GLB1L3: variants seen among roughly 807,000 people sequenced by gnomAD.
GLB1L3 encodes galactosidase beta 1 like 3.
In GLB1L3, 89 loss-of-function variants were observed where a neutral mutation model predicts 89.5. The ratio of observed to expected loss-of-function variants is 0.99; its 90% CI spans 0.84 to 1.19. The LOEUF (loss-of-function observed/expected upper bound fraction) is 1.19. GLB1L3 is among the 50% of genes most tolerant of loss of function. The pLI is 0.00. For missense variants in GLB1L3, 812 were observed against 813.3 expected, an observed-to-expected ratio of 1.00 and a Z score of 0.02; for synonymous variants, 314 against 312.3, an observed-to-expected ratio of 1.01 and a Z score of -0.06.
chr11:134,316,059 A>C (rs1263692298), intron 18 of GLB1L3, among the ~76,000 whole-genome samples: 4 of 152,162 alleles, frequency 2.6e-5, no homozygotes, highest in Non-Finnish European at 5.9e-5. Flanking sequence ...AATGCTATGC[A>C]GCCTCTATCT....
chr11:134,307,113 T>C lies in GLB1L3; in HGVS notation c.877-11T>C, dbSNP rs749440031. 2 of 1,608,260 alleles carry C rather than the reference T, an allele frequency of 1.2e-6. No homozygotes were observed. The highest frequency in any genetic ancestry group is 1.7e-5 in the Admixed American group (1 of 59,216). ...TTGCCAGACTTAGTATTTGCTTTGG[T>C]TTGTTTTTAGAGAGATAAGCCCCTT... On this transcript the variant is annotated splice_polypyrimidine_tract_variant and intron_variant, in intron 9 of 19. Coordinates refer to ENST00000431683, the MANE Select transcript of GLB1L3 (RefSeq NM_001080407.3).
At chr11:134,299,444 G>C (rs1250334630) in intron 9 of GLB1L3, among the ~76,000 whole-genome samples, 2 of 152,078 alleles carry the variant, frequency 1.3e-5, no homozygotes, top group East Asian at 1.9e-4. Context: ...CATTCTGCTA[G>C]GCCATGTGGG....
intron 10 of GLB1L3, among the ~76,000 whole-genome samples, chr11:134,308,922 C>T (rs934336660): frequency 1.3e-5 from 2 of 152,148 alleles, no homozygotes; most frequent in African/African-American, 4.8e-5. Flanking sequence ...GACTTTTAAC[C>T]TTCTTCTTCC....
Position 134,313,385 on chromosome 11 carries a change from T to C in GLB1L3, c.1501-11T>C. ...GCTGCGTGGTCTCCATGACCTGGCC[T>C]GTCCCAGCAGGACTGCCGATACCTG... On this transcript the variant is annotated splice_polypyrimidine_tract_variant and intron_variant, in intron 15 of 19. Transcript: ENST00000431683. 1 of 1,570,288 alleles carries C rather than the reference T, an allele frequency of 6.4e-7. No homozygotes were observed. Among genetic ancestry groups the C allele is most frequent in the Non-Finnish European group, 8.6e-7 (1 of 1,157,354 alleles).
rs532860909 is a variant in GLB1L3 at position 134,307,136 on chromosome 11, C to T, written c.889C>T (p.Leu297Phe). The part of the protein sequence containing the change: ...QLHKVQRDKP[L>F]LIMEYWVGWF... Reference sequence around the variant, plus strand: ...GGTTTGTTTTTAGAGAGATAAGCCCCTTCTGATTATGGAATACTGGGTCGG... The same window carrying T: ...GGTTTGTTTTTAGAGAGATAAGCCCTTTCTGATTATGGAATACTGGGTCGG... Residue 297 changes from leucine (L) to phenylalanine (F), a missense_variant, in exon 10 of 20, where the codon CTT becomes TTT. Physicochemically the swap from Leu to Phe is conservative, Grantham distance 22. This residue lies in a region of GLB1L3 where 618 missense variants were observed against 604.0 expected (regional missense o/e 1.02). Coordinates refer to ENST00000431683, the MANE Select transcript of GLB1L3 (RefSeq NM_001080407.3). 17 of 1,613,356 alleles carry T rather than the reference C, an allele frequency of 1.1e-5. No individual in the cohort carries two copies. Among genetic ancestry groups the T allele is most frequent in the Admixed American group, 1.7e-5 (1 of 59,992 alleles).
rs754303393 is a variant in GLB1L3, at chr11:134,318,750, A to G, written c.1896+3A>G. On this transcript the variant is annotated splice_donor_region_variant and intron_variant, in intron 19 of 19. Transcript: ENST00000431683. ...GGCTTCATCCAGAAGACAATGAGGT[A>G]TGTCACTCCAGTCTCTGCCTTGAGA... 1.3e-6 allele frequency: 2 copies of G among 1,586,128 alleles called. No individual in the cohort carries two copies. The highest frequency in any genetic ancestry group is 1.7e-6 in the Non-Finnish European group (2 of 1,155,240).
At chr11:134,310,838 A>C in intron 12 of GLB1L3, 187 bp downstream of exon 12, 1 of 622,324 alleles carries the variant, frequency 1.6e-6, no homozygotes, top group Non-Finnish European at 2.8e-6. Context: ...CAGGGTTTCT[A>C]AGCATTTTAT....
At chr11:134,304,643 T>TA (rs528304075) in intron 9 of GLB1L3, among the ~76,000 whole-genome samples, 37 of 152,122 alleles carry the variant, frequency 2.4e-4, no homozygotes, top group Admixed American at 1.8e-3. Flanking sequence ...TTATCTGCCT[T>TA]AAAAAAAATC....
chr11:134,308,282 A>ATC (rs1491549835), intron 10 of GLB1L3, among the ~76,000 whole-genome samples: 2 of 25,372 alleles, frequency 7.9e-5, no homozygotes, highest in Non-Finnish European at 1.6e-4. Flanking sequence ...CACCACCACC[A>ATC]AATACCACCA....
At chr11:134,297,898 A>AAT (rs1555077387) in intron 9 of GLB1L3, among the ~76,000 whole-genome samples, 10 of 149,918 alleles carry the variant, frequency 6.7e-5, no homozygotes, top group South Asian at 4.2e-4. Flanking sequence ...GAGAGAAAAA[A>AAT]ATATATATAT....
At chr11:134,316,615 G>T (rs1198354954) in intron 18 of GLB1L3, among the ~76,000 whole-genome samples, 1 of 152,168 alleles carries the variant, frequency 6.6e-6, no homozygotes, top group Non-Finnish European at 1.5e-5. Context: ...GTAGACTTCG[G>T]TATGTGCATT....
At chr11:134,302,839 A>G (rs188197086) in intron 9 of GLB1L3, among the ~76,000 whole-genome samples, 103 of 152,062 alleles carry the variant, frequency 6.8e-4, no homozygotes, top group African/African-American at 2.3e-3. Flanking sequence ...TTCTATGTCA[A>G]TTTTATTTAT....
Position 134,312,446 on chromosome 11 carries a change from G to A in GLB1L3, c.1385G>A (p.Cys462Tyr). The change falls in exon 14 of 20, where the codon TGC becomes TAC. Residue 462 changes from cysteine to tyrosine, a missense_variant. Cys to Tyr is a radical substitution (Grantham distance 194, BLOSUM62 -2). Around this residue, in one of 3 missense-constraint regions of GLB1L3, gnomAD observed 618 missense variants for 604.0 expected, o/e 1.02. Transcript: ENST00000431683. ...CTTGTCCTGTATGAGAAGTCCATCT[G>A]CTCCGGAGGCCGCCTCCGTGCCCAC... ...YGLVLYEKSI[C>Y]SGGRLRAHAH... 2 of 1,613,438 alleles carry A rather than the reference G, an allele frequency of 1.2e-6. No homozygotes were observed. Among genetic ancestry groups the A allele is most frequent in the Non-Finnish European group, 1.7e-6 (2 of 1,179,874 alleles).
intron 13 of GLB1L3, 192 bp downstream of exon 13, chr11:134,311,362 C>T (rs1942726774): frequency 1.7e-6 from 1 of 581,310 alleles, no homozygotes; most frequent in African/African-American, 1.9e-5. Flanking sequence ...AGTCAGTGTG[C>T]AGGGGAGGGG....
At position 134,276,652 on chromosome 11, in the gene GLB1L3, G is replaced by C. The variant is rs1177001576; in HGVS notation, c.-89G>C. 29 of 1,214,214 alleles carry C rather than the reference G, an allele frequency of 2.4e-5. No individual in the cohort carries two copies. The highest frequency in any genetic ancestry group is 9.5e-5 in the African/African-American group (6 of 62,854). 75.2% of individuals were successfully genotyped at this position (1,214,214 alleles called of 1,614,324 possible). A position where few individuals can be genotyped will look rare whatever the true frequency, so the allele number is the denominator to read the frequency against. On this transcript the variant is annotated 5_prime_UTR_variant, in exon 1 of 20. Transcript: ENST00000431683. ...GACCTGAGCCTGCCCCGCGGAACCGGGGCTCGAGTCCCGGCCCGAGCGCGG... is the reference window on the plus strand; with the variant it reads ...GACCTGAGCCTGCCCCGCGGAACCGCGGCTCGAGTCCCGGCCCGAGCGCGG...
At chr11:134,323,639 GTAGT>G (rs1943192199), downstream of GLB1L3, among the ~76,000 whole-genome samples, 1 of 152,070 alleles carries the variant, frequency 6.6e-6, no homozygotes, top group African/African-American at 2.4e-5. Flanking sequence ...CAGAAAGGTG[GTAGT>G]GTTTTTCATC....
chr11:134,321,946 T>G (rs1461388910), downstream of GLB1L3, among the ~76,000 whole-genome samples: 3 of 151,816 alleles, frequency 2.0e-5, no homozygotes, highest in Non-Finnish European at 4.4e-5. Context: ...TAGAAACACA[T>G]ATTAAGACAG....
chr11:134,315,948 T>C (rs889504519), intron 18 of GLB1L3, among the ~76,000 whole-genome samples: 2 of 152,202 alleles, frequency 1.3e-5, no homozygotes, highest in African/African-American at 4.8e-5. Context: ...GTGGATTTGG[T>C]TGCATCCTCT....
intron 9 of GLB1L3, among the ~76,000 whole-genome samples, chr11:134,298,563 T>G (rs985927002): frequency 1.3e-5 from 2 of 152,172 alleles, no homozygotes; most frequent in African/African-American, 4.8e-5. Context: ...GGGAAGTAAT[T>G]GAATCATAAG....
Sources: allele counts gnomAD v4.1 joint callset (sites outside exome capture counted in the v4.1 genomes callset), GRCh38; gene constraint gnomAD v4.1.1; regional missense constraint gnomAD v4.1.1; transcripts MANE v1.5; gene names NCBI Gene and HGNC (gene_info 2026-07-23, HGNC 2026-07-21).